The following ANKFN1 variants were observed in gnomAD, a reference collection of about 807,000 sequenced individuals.
The protein encoded by ANKFN1 is ankyrin repeat and fibronectin type III domain containing 1.
Under a neutral mutation model 108.7 loss-of-function variants are expected in ANKFN1, and 74 were observed. That is an observed-to-expected ratio of 0.68 (90% CI 0.56 to 0.83). The LOEUF (loss-of-function observed/expected upper bound fraction) is 0.83, where lower values mean the gene tolerates loss of function less well. Among genes scored for constraint, ANKFN1 ranks in the 40% least tolerant of loss-of-function variants. The pLI, the probability that ANKFN1 is intolerant of heterozygous loss-of-function variation, is 0.00. For synonymous variants in ANKFN1, 547 were observed against 516.2 expected (o/e 1.06, Z -0.81); for missense variants, 1,505 against 1,382.3 (o/e 1.09, Z -1.41).
intron 4 of ANKFN1, among the ~76,000 whole-genome samples, chr17:56,121,020 C>T (rs1414417904): frequency 2.6e-5 from 4 of 152,028 alleles, no homozygotes; most frequent in African/African-American, 7.2e-5. Context: ...TTCCTAGTTC[C>T]TCACTTATAG....
chr17:56,213,030 C>T (rs932055639), intron 2 of ANKFN1, among the ~76,000 whole-genome samples: 1 of 152,174 alleles, frequency 6.6e-6, no homozygotes, highest in African/African-American at 2.4e-5. Context: ...CCAGGCAGTG[C>T]ACTAACTTAT....
chr17:56,117,990 G>A (rs1906380525), intron 4 of ANKFN1, among the ~76,000 whole-genome samples: 1 of 152,036 alleles, frequency 6.6e-6, no homozygotes, highest in South Asian at 2.1e-4. Context: ...ACAAAATGTT[G>A]TCTTTTGTGA....
At chr17:56,450,070 A>G (rs949018836) in intron 11 of ANKFN1, among the ~76,000 whole-genome samples, 1 of 152,192 alleles carries the variant, frequency 6.6e-6, no homozygotes, top group Non-Finnish European at 1.5e-5. Flanking sequence ...TTCATTTTCC[A>G]TGCCCCCATC....
chr17:56,307,413 C>T (rs569044159), intron 3 of ANKFN1, among the ~76,000 whole-genome samples: 83 of 152,234 alleles, frequency 5.5e-4, no homozygotes, highest in African/African-American at 1.2e-3. Flanking sequence ...AAAAAGTGGG[C>T]GAAGGATGTG....
At chr17:56,077,706 A>G (rs1014936310) in intron 4 of ANKFN1, among the ~76,000 whole-genome samples, 3 of 152,022 alleles carry the variant, frequency 2.0e-5, no homozygotes, top group African/African-American at 4.8e-5. Flanking sequence ...CCTTGCCCCT[A>G]CTTCTAGGGT....
chr17:56,221,185 A>G (rs989205135), intron 2 of ANKFN1, among the ~76,000 whole-genome samples: 2 of 152,126 alleles, frequency 1.3e-5, no homozygotes, highest in Non-Finnish European at 2.9e-5. Context: ...AGAACTCACT[A>G]CCGTGAGGAC....
intron 4 of ANKFN1, among the ~76,000 whole-genome samples, chr17:56,092,789 A>C (rs1298465493): frequency 6.6e-6 from 1 of 150,886 alleles, no homozygotes; most frequent in East Asian, 1.9e-4. Context: ...GGCAGAATTC[A>C]GTTTCAAGTG....
At chr17:56,505,240 A>C (rs960586819) in intron 20 of ANKFN1, among the ~76,000 whole-genome samples, 1 of 152,240 alleles carries the variant, frequency 6.6e-6, no homozygotes, top group Non-Finnish European at 1.5e-5. Flanking sequence ...AGATCCTTTC[A>C]GGATGCGTTG....
chr17:56,164,964 C>T (rs116956485), intron 1 of ANKFN1, among the ~76,000 whole-genome samples: 46 of 152,310 alleles, frequency 3.0e-4, no homozygotes, highest in Non-Finnish European at 4.9e-4. Flanking sequence ...CAAAAGGCAT[C>T]AAACCTGGTC....
intron 8 of ANKFN1, among the ~76,000 whole-genome samples, chr17:56,431,489 A>C (rs1353473309): frequency 2.0e-5 from 3 of 152,116 alleles, no homozygotes; most frequent in Non-Finnish European, 4.4e-5. Flanking sequence ...CCAGGGAGCA[A>C]AATGGAACTA....
intron 3 of ANKFN1, among the ~76,000 whole-genome samples, chr17:56,318,476 A>G (rs1450174806): frequency 2.0e-5 from 3 of 152,202 alleles, no homozygotes; most frequent in Non-Finnish European, 2.9e-5. Context: ...CCCCAGTCCA[A>G]GAGCTGAGAG....
chr17:56,358,855 T>C (rs2046441090), intron 6 of ANKFN1, among the ~76,000 whole-genome samples: 1 of 152,148 alleles, frequency 6.6e-6, no homozygotes, highest in Non-Finnish European at 1.5e-5. Context: ...AGACTTGTTG[T>C]CTCTGTATAT....
intron 3 of ANKFN1, among the ~76,000 whole-genome samples, chr17:56,239,281 A>C (rs1384641261): frequency 6.6e-6 from 1 of 152,172 alleles, no homozygotes; most frequent in Non-Finnish European, 1.5e-5. Flanking sequence ...GGCTACAAAA[A>C]TACAGTTAGA....
At chr17:56,384,819 A>G (rs1186675514) in intron 8 of ANKFN1, among the ~76,000 whole-genome samples, 1 of 152,164 alleles carries the variant, frequency 6.6e-6, no homozygotes, top group Non-Finnish European at 1.5e-5. Flanking sequence ...GAAATAAAAG[A>G]GGATACAAAG....
intron 1 of ANKFN1, among the ~76,000 whole-genome samples, chr17:56,175,947 T>A (rs952458841): frequency 7.3e-5 from 2 of 27,300 alleles, no homozygotes; most frequent in African/African-American, 1.4e-4. Context: ...GAGTTGGGGG[T>A]GGGAGGTCTG....
At position 56,508,577 on chromosome 17, in the gene ANKFN1, C is replaced by T; in HGVS notation, c.2645-1896C>T. Among the ~76,000 whole-genome samples, 4 of 152,206 alleles carry T rather than the reference C, an allele frequency of 2.6e-5. No homozygotes were observed. In the South Asian group the frequency reaches 8.3e-4, roughly 32 times the overall value. On this transcript the variant is annotated intron_variant, in intron 20 of 20. Coordinates refer to ENST00000682825, the MANE Select transcript of ANKFN1 (RefSeq NM_001370326.1). ...TTTGTATATTTACTATTAAAAGCTA[C>T]CTCCAGTCATTTTTAAAAGTGGATG...
chr17:56,306,942 A>G (rs1465891052), intron 3 of ANKFN1, among the ~76,000 whole-genome samples: 1 of 152,212 alleles, frequency 6.6e-6, no homozygotes, highest in Non-Finnish European at 1.5e-5. Flanking sequence ...CAACCATCTG[A>G]TCTTTGACAA....
intron 4 of ANKFN1, among the ~76,000 whole-genome samples, chr17:56,148,226 G>A (rs1908382767): frequency 6.6e-6 from 1 of 152,086 alleles, no homozygotes; most frequent in Admixed American, 6.5e-5. Context: ...TGTAAACATT[G>A]GCATCCACTT....
At chr17:56,175,955 C>G (rs1425675156) in intron 1 of ANKFN1, among the ~76,000 whole-genome samples, 2 of 150,130 alleles carry the variant, frequency 1.3e-5, no homozygotes, top group African/African-American at 2.5e-5. Context: ...GGTGGGAGGT[C>G]TGGGAAAGGG....
Sources: gnomAD v4.1 joint callset for allele counts (sites outside exome capture counted in the v4.1 genomes callset) on GRCh38, gnomAD v4.1.1 for gene constraint, MANE v1.5 for transcripts, NCBI Gene and HGNC (gene_info 2026-07-23, HGNC 2026-07-21) for gene names.